EPB41L4A: variants seen among roughly 807,000 people sequenced by gnomAD.
EPB41L4A encodes the protein erythrocyte membrane protein band 4.1 like 4A, also known as band 4.1-like protein 4A.
A neutral mutation model predicts 108.6 loss-of-function variants in EPB41L4A; 100 were observed. The ratio of observed to expected loss-of-function variants is 0.92; its 90% CI spans 0.78 to 1.09. The LOEUF (loss-of-function observed/expected upper bound fraction) is 1.09, where lower values mean the gene tolerates loss of function less well. Ranked by LOEUF, EPB41L4A falls within the 50% of genes least tolerant of loss-of-function variation. EPB41L4A has a pLI of 0.00. For synonymous variants in EPB41L4A, 319 were observed against 289.0 expected, an observed-to-expected ratio of 1.10 and a Z score of -1.05; for missense variants, 1,030 against 842.7, an observed-to-expected ratio of 1.22 and a Z score of -2.75.
At chr5:112,412,260 G>A (rs573991432) in intron 1 of EPB41L4A, among the ~76,000 whole-genome samples, 1 of 152,208 alleles carries the variant, frequency 6.6e-6, no homozygotes, top group African/African-American at 2.4e-5. Flanking sequence ...ATCCTGTGCT[G>A]GAAAACAAAC....
At chr5:112,173,183 C>T (rs931569824) in intron 18 of EPB41L4A, among the ~76,000 whole-genome samples, 1 of 152,134 alleles carries the variant, frequency 6.6e-6, no homozygotes, top group South Asian at 2.1e-4. Flanking sequence ...GACAGTACAG[C>T]AGAACCTAAA....
At chr5:112,308,828 A>G (rs1240684019) in intron 1 of EPB41L4A, among the ~76,000 whole-genome samples, 1 of 144,402 alleles carries the variant, frequency 6.9e-6, no homozygotes, top group African/African-American at 2.9e-5. Flanking sequence ...TGATGAGAGT[A>G]TATGTTTTCC....
rs144535650 is a variant in EPB41L4A, at chr5:112,243,760, T to C, written c.796-2950A>G. On this transcript the variant is annotated intron_variant, in intron 9 of 22. Coordinates refer to ENST00000261486, the MANE Select transcript of EPB41L4A (RefSeq NM_022140.5). ...ACCAACCTCTGCTAGCTTCCTACTT[T>C]TATTCTGCAGTTTCCTCACCTCTCT... 1.1e-3 allele frequency among the ~76,000 whole-genome samples: 171 copies of C among 152,330 alleles called. 1 individual carries two copies. In the South Asian group the frequency reaches 0.013, roughly 11 times the overall value.
intron 1 of EPB41L4A, among the ~76,000 whole-genome samples, chr5:112,336,318 G>T (rs1756918915): frequency 6.6e-6 from 1 of 152,152 alleles, no homozygotes. Context: ...CTTCAAAGTG[G>T]GCTGTTCAGA....
chr5:112,161,332 TAA>T (rs1759887122), downstream of EPB41L4A: 1 of 374,676 alleles, frequency 2.7e-6, no homozygotes, highest in East Asian at 6.8e-5. Context: ...AGTCGCCATT[TAA>T]AACGCATCGC....
intron 1 of EPB41L4A, among the ~76,000 whole-genome samples, chr5:112,396,937 ATAT>A (rs1223919942): frequency 1.4e-4 from 21 of 152,188 alleles, no homozygotes. Flanking sequence ...TCTTTGTAAA[ATAT>A]TATTTTATTT....
intron 4 of EPB41L4A, among the ~76,000 whole-genome samples, chr5:112,272,887 C>T (rs1274152197): frequency 1.3e-5 from 2 of 151,564 alleles, no homozygotes; most frequent in Non-Finnish European, 2.9e-5. Flanking sequence ...TGTATAAGCA[C>T]GTTTATGATA....
At chr5:112,372,623 G>A (rs1759562633) in intron 1 of EPB41L4A, among the ~76,000 whole-genome samples, 1 of 152,176 alleles carries the variant, frequency 6.6e-6, no homozygotes, top group South Asian at 2.1e-4. Flanking sequence ...GGTGGGTGGA[G>A]GGGAAAGTGG....
chr5:112,264,174 A>G (rs1751685476), intron 6 of EPB41L4A: 1 of 152,236 alleles, frequency 6.6e-6, no homozygotes, highest in Non-Finnish European at 1.5e-5. Context: ...GAAGTGTTAC[A>G]TAACAGGGAA....
intron 17 of EPB41L4A, among the ~76,000 whole-genome samples, chr5:112,185,971 AG>A (rs1761406429): frequency 6.6e-6 from 1 of 152,070 alleles, no homozygotes; most frequent in Admixed American, 6.5e-5. Context: ...CCCAGGACTG[AG>A]GGGTCAGGGT....
chr5:112,222,068 C>G (rs1041760309), intron 12 of EPB41L4A, among the ~76,000 whole-genome samples: 5 of 152,216 alleles, frequency 3.3e-5, no homozygotes, highest in Admixed American at 3.3e-4. Context: ...CTTTCCCCCT[C>G]TCTCTTGGCT....
At chr5:112,382,703 A>G (rs894554034) in intron 1 of EPB41L4A, among the ~76,000 whole-genome samples, 2 of 152,180 alleles carry the variant, frequency 1.3e-5, no homozygotes, top group African/African-American at 4.8e-5. Context: ...GAACAGTCCC[A>G]GTAACAGGAC....
chr5:112,292,290 G>A (rs746468029), intron 2 of EPB41L4A, among the ~76,000 whole-genome samples: 1 of 152,158 alleles, frequency 6.6e-6, no homozygotes, highest in Non-Finnish European at 1.5e-5. Flanking sequence ...GTGCTGATAT[G>A]AGTAAGGATA....
At chr5:112,189,357 T>C (rs1761578263) in intron 17 of EPB41L4A, among the ~76,000 whole-genome samples, 1 of 152,216 alleles carries the variant, frequency 6.6e-6, no homozygotes, top group African/African-American at 2.4e-5. Flanking sequence ...GGTCAGGTAT[T>C]ATTCCACTTT....
chr5:112,259,193 C>A (rs556781422), intron 9 of EPB41L4A, 36 bp downstream of exon 9: 1 of 1,479,112 alleles, frequency 6.8e-7, no homozygotes, highest in Admixed American at 1.7e-5. Context: ...ACAAGACACC[C>A]CTCTTCTAAT....
chr5:112,162,365 A>G (rs970706036), downstream of EPB41L4A: 2 of 152,236 alleles, frequency 1.3e-5, no homozygotes, highest in African/African-American at 4.8e-5. Flanking sequence ...CTAAAAAGTT[A>G]TAAGGGAGGA....
chr5:112,213,937 C>T (rs995537838), intron 12 of EPB41L4A, among the ~76,000 whole-genome samples: 9 of 152,106 alleles, frequency 5.9e-5, no homozygotes, highest in African/African-American at 2.2e-4. Context: ...TAACCACTGT[C>T]CAAATTAGTA....
intron 1 of EPB41L4A, among the ~76,000 whole-genome samples, chr5:112,330,892 A>G (rs1756520223): frequency 6.6e-6 from 1 of 152,198 alleles, no homozygotes; most frequent in South Asian, 2.1e-4. Flanking sequence ...GAGTGTGGAC[A>G]GGGTGAGGAG....
chr5:112,402,060 C>A (rs1669522870), intron 1 of EPB41L4A, among the ~76,000 whole-genome samples: 1 of 152,200 alleles, frequency 6.6e-6, no homozygotes, highest in African/African-American at 2.4e-5. Flanking sequence ...TGCGTCCCCG[C>A]CCAAATCTCA....
Sources: allele counts gnomAD v4.1 joint callset (sites outside exome capture counted in the v4.1 genomes callset), GRCh38; gene constraint gnomAD v4.1.1; transcripts MANE v1.5; gene names NCBI Gene and HGNC (gene_info 2026-07-23, HGNC 2026-07-21).